The following SIAH1 variants were observed in gnomAD, a reference collection of about 807,000 sequenced individuals.
The protein encoded by SIAH1 is siah E3 ubiquitin protein ligase 1, also known as E3 ubiquitin-protein ligase SIAH1.
SIAH1 carries 2 observed loss-of-function variants against 20.0 expected under a neutral mutation model. The ratio of observed to expected loss-of-function variants is 0.10; its 90% confidence interval spans 0.04 to 0.31. The LOEUF is 0.31. Ranked by LOEUF, SIAH1 falls within the 10% of genes least tolerant of loss-of-function variation. SIAH1 has a pLI of 1.00. For synonymous variants in SIAH1, 118 were observed against 125.3 expected, an observed-to-expected ratio of 0.94 and a Z score of 0.39; for missense variants, 119 against 355.3, an observed-to-expected ratio of 0.33 and a Z score of 5.35.
rs1960621507 is a variant in SIAH1, at chr16:48,362,270, A to G, written c.159T>C (p.Leu53=). 6.2e-7 allele frequency: 1 copy of G among 1,614,128 alleles called. No individual in the cohort carries two copies. The highest frequency in any genetic ancestry group is 1.7e-5 in the Admixed American group (1 of 60,012). The change falls in exon 2 of 2, where the codon CTT becomes CTC. Residue 53 remains leucine, a synonymous_variant. Coordinates refer to ENST00000394725, the MANE Select transcript of SIAH1 (RefSeq NM_003031.4). The surrounding 1 kb of genome is among the most constrained non-coding windows in gnomAD (Gnocchi z 4.2). The part of the protein sequence containing the change: ...VCFDYVLPPI[L]QCQSGHLVCS... ...AAACAAGATGGCCACTCTGACATTG[A>G]AGAATGGGCGGTAACACATAGTCAA...
intron 1 of SIAH1, among the ~76,000 whole-genome samples, chr16:48,366,432 T>C (rs935740143): frequency 2.0e-5 from 3 of 152,188 alleles, no homozygotes; most frequent in Non-Finnish European, 2.9e-5. Context: ...AAACTCTCCT[T>C]ACCCACTGTG....
At chr16:48,367,985 T>C (rs948110470) in intron 1 of SIAH1, among the ~76,000 whole-genome samples, 4 of 152,216 alleles carry the variant, frequency 2.6e-5, no homozygotes, top group East Asian at 1.9e-4. Flanking sequence ...GCCTTTAATG[T>C]TGTCTTAGTA....
chr16:48,376,320 G>A (rs1160432675), intron 1 of SIAH1, among the ~76,000 whole-genome samples: 3 of 152,174 alleles, frequency 2.0e-5, no homozygotes, highest in Admixed American at 2.0e-4. Flanking sequence ...TGAATTGCTA[G>A]TAACTTCTAC....
chr16:48,378,108 T>C (rs1961160857), intron 1 of SIAH1, among the ~76,000 whole-genome samples: 1 of 151,912 alleles, frequency 6.6e-6, no homozygotes, highest in South Asian at 2.1e-4. Flanking sequence ...TCCTAGCACT[T>C]TGGGAGGCCA....
At chr16:48,374,782 G>A (rs1961064318) in intron 1 of SIAH1, among the ~76,000 whole-genome samples, 1 of 152,124 alleles carries the variant, frequency 6.6e-6, no homozygotes, top group Non-Finnish European at 1.5e-5. Flanking sequence ...AAAATGCAGA[G>A]AAAGAAGTAA....
At chr16:48,384,333 T>C (rs1394289241) in intron 1 of SIAH1, among the ~76,000 whole-genome samples, 6 of 152,208 alleles carry the variant, frequency 3.9e-5, no homozygotes, top group Admixed American at 3.3e-4. Flanking sequence ...CTTTTCTGAA[T>C]GTCCGAGCAA....
intron 1 of SIAH1, chr16:48,363,961 T>C (rs980506275): frequency 1.3e-5 from 2 of 154,504 alleles, no homozygotes; most frequent in African/African-American, 5.3e-5. Context: ...TTTTTTTTTT[T>C]TTTTTTTGAG....
At chr16:48,385,781 G>A (rs1051779735), upstream of SIAH1, among the ~76,000 whole-genome samples, 1 of 151,808 alleles carries the variant, frequency 6.6e-6, no homozygotes, top group African/African-American at 2.4e-5. Flanking sequence ...TCGCCCAGCG[G>A]GATGCGAGCC....
intron 1 of SIAH1, among the ~76,000 whole-genome samples, chr16:48,373,061 T>C (rs1296041721): frequency 6.6e-6 from 1 of 152,208 alleles, no homozygotes; most frequent in Non-Finnish European, 1.5e-5. Context: ...CCCCAAATTA[T>C]TGAAATTGTA....
chr16:48,372,568 T>G (rs1386218861), intron 1 of SIAH1, among the ~76,000 whole-genome samples: 1 of 152,194 alleles, frequency 6.6e-6, no homozygotes, highest in Non-Finnish European at 1.5e-5. Context: ...TGGCTCTAAG[T>G]TGGTCCTATT....
At chr16:48,365,989 G>T in intron 1 of SIAH1, 6 of 980,968 alleles carry the variant, frequency 6.1e-6, no homozygotes, top group Non-Finnish European at 7.6e-6. Context: ...AGTTCAGGGC[G>T]CGCGGCGCAC....
At chr16:48,368,034 T>A (rs1177014364) in intron 1 of SIAH1, among the ~76,000 whole-genome samples, 5 of 152,254 alleles carry the variant, frequency 3.3e-5, no homozygotes, top group Non-Finnish European at 7.3e-5. Context: ...CACCTTAGCA[T>A]ACTTAACAGT....
At chr16:48,386,183 C>T (rs1202487458), upstream of SIAH1, among the ~76,000 whole-genome samples, 1 of 152,162 alleles carries the variant, frequency 6.6e-6, no homozygotes, top group East Asian at 1.9e-4. Context: ...ATTTACAAGC[C>T]CTAACTGGAA....
Position 48,365,260 on chromosome 16 carries a change from A to C in SIAH1, c.-2-2830T>G, listed in dbSNP as rs1960784822. ...AGAAAAAAGAACAGCAGCCCAAATG[A>C]AACATGACTGAGAACCTCGGAAACG... On this transcript the variant is annotated intron_variant, in intron 1 of 1. Coordinates refer to ENST00000394725, the MANE Select transcript of SIAH1 (RefSeq NM_003031.4). 4 of 945,160 alleles carry C rather than the reference A, an allele frequency of 4.2e-6. No homozygotes were observed. In the South Asian group the frequency reaches 6.6e-5, roughly 16 times the overall value. 58.5% of individuals were successfully genotyped at this position (945,160 alleles called of 1,614,324 possible).
intron 1 of SIAH1, among the ~76,000 whole-genome samples, chr16:48,375,572 AG>A (rs1171003974): frequency 4.6e-5 from 7 of 152,184 alleles, no homozygotes; most frequent in Admixed American, 3.9e-4. Flanking sequence ...CAGGAGTTAG[AG>A]GGTATAGTGA....
chr16:48,361,292 C>A lies in SIAH1; in HGVS notation c.*288G>T. ...AACAATACAATCAATCTACAACAAA[C>A]ACAAAACTCAGAATTATTTTACAAT... On this transcript the variant is annotated 3_prime_UTR_variant, in exon 2 of 2. Coordinates refer to ENST00000394725, the MANE Select transcript of SIAH1 (RefSeq NM_003031.4). The A allele has an allele frequency of 3.0e-6, 1 of 330,786 alleles. No individual in the cohort carries two copies. The highest frequency in any genetic ancestry group is 3.5e-5 in the South Asian group (1 of 28,930). The allele number at this position is 330,786 out of a possible 1,614,324, so 20.5% of individuals were successfully genotyped here. A position where few individuals can be genotyped will look rare whatever the true frequency, so the allele number is the denominator to read the frequency against.
chr16:48,367,588 TTTAAG>T (rs1366847944), intron 1 of SIAH1, among the ~76,000 whole-genome samples: 3 of 152,240 alleles, frequency 2.0e-5, no homozygotes, highest in East Asian at 3.8e-4. Context: ...TTCCAGAATA[TTTAAG>T]TTTTCAGCTG....
At chr16:48,372,022 CAG>C (rs1474955904) in intron 1 of SIAH1, among the ~76,000 whole-genome samples, 1 of 151,672 alleles carries the variant, frequency 6.6e-6, no homozygotes, top group Non-Finnish European at 1.5e-5. Flanking sequence ...CACACACACA[CAG>C]AGAAAAAAAT....
At chr16:48,373,775 C>T (rs1567373650) in intron 1 of SIAH1, among the ~76,000 whole-genome samples, 1 of 152,194 alleles carries the variant, frequency 6.6e-6, no homozygotes, top group Non-Finnish European at 1.5e-5. Flanking sequence ...AGCTGAAATC[C>T]TAAAAATAGC....
Sources: allele counts gnomAD v4.1 joint callset (sites outside exome capture counted in the v4.1 genomes callset), GRCh38; gene constraint gnomAD v4.1.1; non-coding constraint Gnocchi (gnomAD v3.1); transcripts MANE v1.5; gene names NCBI Gene and HGNC (gene_info 2026-07-23, HGNC 2026-07-21).